Variants in CNGB1 observed in about 807,000 individuals in gnomAD.
CNGB1 encodes the protein cyclic nucleotide gated channel subunit beta 1.
Under a neutral mutation model 151.7 loss-of-function variants are expected in CNGB1, and 126 were observed. The observed-to-expected ratio is 0.83, with a 90% CI of 0.72 to 0.96. The LOEUF (loss-of-function observed/expected upper bound fraction) is 0.96. Among genes scored for constraint, CNGB1 ranks in the 40% least tolerant of loss-of-function variants. The pLI, the probability that CNGB1 is intolerant of heterozygous loss-of-function variation, is 0.00. For missense variants in CNGB1, 1,698 were observed against 1,627.0 expected, an observed-to-expected ratio of 1.04 and a Z score of -0.75; for synonymous variants, 623 against 635.1, an observed-to-expected ratio of 0.98 and a Z score of 0.29.
chr16:57,962,914 G>T, intron 5 of CNGB1, 42 bp from the exon 6 acceptor site: 1 of 1,612,168 alleles, frequency 6.2e-7, no homozygotes. Context: ...GGAGCCCAAG[G>T]GCAGCCTCCC....
intron 10 of CNGB1, among the ~76,000 whole-genome samples, chr16:57,958,921 CTTTTT>C (rs10708381): frequency 8.3e-6 from 1 of 119,870 alleles, no homozygotes; most frequent in African/African-American, 3.1e-5. Context: ...TCATGCCCAG[CTTTTT>C]TTTTTTTTTT....
intron 10 of CNGB1, among the ~76,000 whole-genome samples, chr16:57,958,710 C>G (rs548616517): frequency 2.7e-5 from 4 of 145,932 alleles, no homozygotes; most frequent in African/African-American, 7.5e-5. Flanking sequence ...GGCCTCCCCC[C>G]ACCCTCCCAC....
rs1467239774 is a variant in CNGB1 at position 57,884,276 on chromosome 16, G to A, written c.3644C>T (p.Pro1215Leu). Residue 1215 changes from proline to leucine, a missense_variant, in exon 33 of 33, where the codon CCG becomes CTG. By Grantham distance (98) the Pro-to-Leu change is moderately conservative (BLOSUM62 -3). Coordinates refer to ENST00000251102, the MANE Select transcript of CNGB1 (RefSeq NM_001297.5). ...CACCGAGTGCTCTTCGGGCTCGGCC[G>A]GCCCCTCCTCCTCTCCCTCCGGCCT... ...LGRPEGEEEG[P>L]AEPEEHSVRI... The A allele has an allele frequency of 6.2e-6, 10 of 1,613,474 alleles. No homozygotes were observed. In the South Asian group the frequency reaches 6.6e-5, roughly 11 times the overall value.
chr16:57,910,754 T>C (rs2149361579), intron 25 of CNGB1, among the ~76,000 whole-genome samples: 1 of 149,370 alleles, frequency 6.7e-6, no homozygotes, highest in East Asian at 2.0e-4. Context: ...TCCCTTTGAG[T>C]TGTCCCACCC....
chr16:57,937,894 A>C (rs1291252078), intron 16 of CNGB1, among the ~76,000 whole-genome samples: 2 of 152,330 alleles, frequency 1.3e-5, no homozygotes, highest in Non-Finnish European at 2.9e-5. Context: ...GAGGCCTGGC[A>C]GCAGGAATTT....
rs979105830 is a variant in CNGB1 at position 57,970,708 on chromosome 16, C to T, written c.-9+352G>A. ...TTGCAGGTCCCTCCCATCTTTCACC[C>T]GTGTCCCTGCTGACTGCACTTTGAT... On this transcript the variant is annotated intron_variant, in intron 1 of 32. Coordinates refer to ENST00000251102, the MANE Select transcript of CNGB1 (RefSeq NM_001297.5). Among the ~76,000 whole-genome samples the T allele has an allele frequency of 8.7e-4, 133 of 152,192 alleles. 1 individual carries two copies. The highest frequency in any genetic ancestry group is 8.0e-3 in the Admixed American group (123 of 15,282).
chr16:57,950,644 T>TGAGGCACTGCTG, intron 12 of CNGB1, 104 bp from the exon 13 acceptor site: 3 of 1,148,458 alleles, frequency 2.6e-6, no homozygotes, highest in Non-Finnish European at 3.9e-6. Flanking sequence ...TCGCCAGCAG[T>TGAGGCACTGCTG]GCCTCAGTGC....
chr16:57,938,358 G>C (rs1416101251), intron 16 of CNGB1, among the ~76,000 whole-genome samples: 1 of 152,162 alleles, frequency 6.6e-6, no homozygotes, highest in East Asian at 1.9e-4. Context: ...GCAAGCTCAG[G>C]ATACCCAGGG....
At chr16:57,922,818 C>G (rs1434158535) in intron 18 of CNGB1, among the ~76,000 whole-genome samples, 1 of 152,108 alleles carries the variant, frequency 6.6e-6, no homozygotes, top group Non-Finnish European at 1.5e-5. Flanking sequence ...CCCAGGCCTA[C>G]TGTCTGCAGC....
intron 25 of CNGB1, among the ~76,000 whole-genome samples, chr16:57,905,898 T>A (rs1277752911): frequency 1.3e-5 from 2 of 152,230 alleles, no homozygotes; most frequent in Admixed American, 6.5e-5. Flanking sequence ...TTTCTGTTCT[T>A]TATAAGTTAC....
intron 17 of CNGB1, among the ~76,000 whole-genome samples, chr16:57,931,319 AT>A (rs1487347598): frequency 6.6e-6 from 1 of 151,762 alleles, no homozygotes; most frequent in Non-Finnish European, 1.5e-5. Flanking sequence ...TGCCTAGCTA[AT>A]TTTTTTGTAT....
intron 32 of CNGB1, among the ~76,000 whole-genome samples, chr16:57,885,616 CGGAG>C: frequency 7.7e-6 from 1 of 129,668 alleles, no homozygotes; most frequent in South Asian, 2.6e-4. Context: ...CTTTCTTAGA[CGGAG>C]TCTTGCTCTG....
Position 57,950,453 on chromosome 16 carries a change from C to T in CNGB1, c.962G>A (p.Ser321Asn), listed in dbSNP as rs767977155. 13 of 1,614,258 alleles carry T rather than the reference C, an allele frequency of 8.1e-6. No individual in the cohort carries two copies. Among genetic ancestry groups the T allele is most frequent in the Non-Finnish European group, 1.1e-5 (13 of 1,180,050 alleles). ...PPWEDAHQDV[S>N]TSPQGTEVVP... ...CACCTCTGTACCCTGTGGGCTGGTA[C>T]TGACATCCTGGTGGGCATCCTCCCA... The change falls in exon 13 of 33, where the codon AGT becomes AAT. Residue 321 changes from serine (S) to asparagine (N), a missense_variant. Transcript: ENST00000251102.
chr16:57,894,805 A>G (rs2149354415), intron 31 of CNGB1, among the ~76,000 whole-genome samples: 1 of 152,320 alleles, frequency 6.6e-6, no homozygotes, highest in Admixed American at 6.5e-5. Flanking sequence ...AATGTTCTAC[A>G]TACTGAAAAC....
At position 57,917,322 on chromosome 16, in the gene CNGB1, C is replaced by T. The variant is rs1463021786; in HGVS notation, c.2112G>A (p.Leu704=). ...MDYLCDLIYF[L]DITVFQTRLQ... ...GGCGTGTCTGGAACACGGTGATGTC[C>T]AGGAAGTAGATGAGGTCGCATAGGT... Residue 704 remains leucine, a synonymous_variant, in exon 21 of 33, where the codon CTG becomes CTA. Transcript: ENST00000251102. The T allele has an allele frequency of 1.9e-6, 3 of 1,613,970 alleles. No homozygotes were observed. Among genetic ancestry groups the T allele is most frequent in the African/African-American group, 2.7e-5 (2 of 74,898 alleles).
chr16:57,912,810 GTT>G (rs1960762395), intron 24 of CNGB1, 118 bp downstream of exon 24: 2 of 996,838 alleles, frequency 2.0e-6, no homozygotes, highest in South Asian at 1.3e-5. Context: ...TTGTGTGTGT[GTT>G]GTGTGTGTCG....
chr16:57,940,169 G>T, intron 15 of CNGB1, 65 bp downstream of exon 15: 5 of 1,442,760 alleles, frequency 3.5e-6, no homozygotes, highest in Non-Finnish European at 4.8e-6. Context: ...AGTGGACAAG[G>T]TCCCCATCCT....
intron 4 of CNGB1, chr16:57,963,922 A>G (rs1376729418): frequency 5.2e-6 from 3 of 579,140 alleles, no homozygotes; most frequent in Non-Finnish European, 3.1e-6. Context: ...AGAAATTACA[A>G]ACTGGGAGCT....
At chr16:57,913,026 A>G in intron 23 of CNGB1, 32 bp from the exon 24 acceptor site, 2 of 1,609,404 alleles carry the variant, frequency 1.2e-6, no homozygotes, top group Non-Finnish European at 1.7e-6. Flanking sequence ...AGAGCAGCCC[A>G]CCGGCCATAG....
Sources: allele counts gnomAD v4.1 joint callset (sites outside exome capture counted in the v4.1 genomes callset), GRCh38; gene constraint gnomAD v4.1.1; transcripts MANE v1.5; gene names NCBI Gene and HGNC (gene_info 2026-07-23, HGNC 2026-07-21).